The following ERBB4 variants were observed in gnomAD, a reference collection of about 807,000 sequenced individuals.
ERBB4 encodes the protein receptor tyrosine-protein kinase erbB-4.
A neutral mutation model predicts 158.0 loss-of-function variants in ERBB4; 42 were observed. The observed-to-expected ratio is 0.27, with a 90% CI of 0.21 to 0.34. ERBB4 has a LOEUF of 0.34. Among genes scored for constraint, ERBB4 ranks in the 10% least tolerant of loss-of-function variants. The probability of loss-of-function intolerance (pLI) is 1.00; values close to 1 mark genes in which losing one functional copy is unlikely to be tolerated. For missense variants in ERBB4, 1,333 were observed against 1,624.1 expected (o/e 0.82, Z 3.08); for synonymous variants, 583 against 558.7 (o/e 1.04, Z -0.61).
At chr2:212,532,376 C>G (rs1692800437) in intron 1 of ERBB4, among the ~76,000 whole-genome samples, 1 of 152,232 alleles carries the variant, frequency 6.6e-6, no homozygotes. Flanking sequence ...AACTACACAG[C>G]TCTCTTTTTA....
At chr2:211,802,825 G>C (rs1358734629) in intron 3 of ERBB4, among the ~76,000 whole-genome samples, 2 of 152,182 alleles carry the variant, frequency 1.3e-5, no homozygotes, top group Non-Finnish European at 2.9e-5. Context: ...CCCTTTTAGA[G>C]TGAATAGGAG....
chr2:212,257,373 A>C (rs1227980566), intron 1 of ERBB4, among the ~76,000 whole-genome samples: 1 of 152,134 alleles, frequency 6.6e-6, no homozygotes, highest in Non-Finnish European at 1.5e-5. Flanking sequence ...TTCCTAATCA[A>C]GGCCAAGATC....
chr2:211,861,589 T>C (rs2078057061), intron 3 of ERBB4, among the ~76,000 whole-genome samples: 1 of 152,072 alleles, frequency 6.6e-6, no homozygotes, highest in Admixed American at 6.6e-5. Context: ...GGCTAAAGAC[T>C]AACAATGAAT....
chr2:211,938,907 T>C (rs1575406740), intron 3 of ERBB4, among the ~76,000 whole-genome samples: 3 of 152,182 alleles, frequency 2.0e-5, no homozygotes, highest in Admixed American at 1.3e-4. Context: ...AGTCTATTAA[T>C]AAATGTTTGT....
At chr2:212,516,007 A>G (rs1691819190) in intron 1 of ERBB4, among the ~76,000 whole-genome samples, 1 of 152,058 alleles carries the variant, frequency 6.6e-6, no homozygotes, top group Admixed American at 6.6e-5. Flanking sequence ...TAAAAATTGT[A>G]TCACTAAATG....
At chr2:212,147,701 C>A (rs1397265185) in intron 1 of ERBB4, among the ~76,000 whole-genome samples, 1 of 152,158 alleles carries the variant, frequency 6.6e-6, no homozygotes, top group Non-Finnish European at 1.5e-5. Flanking sequence ...TATAAGACTT[C>A]TCAGAAATAA....
intron 1 of ERBB4, among the ~76,000 whole-genome samples, chr2:212,212,244 T>C (rs908018440): frequency 6.6e-6 from 1 of 152,042 alleles, no homozygotes; most frequent in African/African-American, 2.4e-5. Context: ...GACTTTTTAA[T>C]AATCATTATT....
At chr2:212,301,942 T>C (rs920720329) in intron 1 of ERBB4, among the ~76,000 whole-genome samples, 1 of 151,464 alleles carries the variant, frequency 6.6e-6, no homozygotes, top group Non-Finnish European at 1.5e-5. Context: ...TGCAACGCTA[T>C]TGAGAAGGGT....
At chr2:211,663,508 CT>C (rs1300882570) in intron 15 of ERBB4, among the ~76,000 whole-genome samples, 2 of 152,072 alleles carry the variant, frequency 1.3e-5, no homozygotes, top group Non-Finnish European at 2.9e-5. Context: ...TTCATCCTTC[CT>C]TTTGACTGAG....
chr2:211,708,080 ATCTC>A (rs1426943450), intron 9 of ERBB4, among the ~76,000 whole-genome samples: 1 of 151,954 alleles, frequency 6.6e-6, no homozygotes. Context: ...CCTTTAAAAT[ATCTC>A]TATCTTTATA....
intron 1 of ERBB4, among the ~76,000 whole-genome samples, chr2:212,488,343 C>T (rs2106190063): frequency 6.6e-6 from 1 of 151,046 alleles, no homozygotes; most frequent in African/African-American, 2.4e-5. Context: ...CTCTCTCTCT[C>T]CTCTCTCTCA....
chr2:211,721,782 C>T (rs1221473123), intron 7 of ERBB4, among the ~76,000 whole-genome samples: 1 of 151,898 alleles, frequency 6.6e-6, no homozygotes, highest in African/African-American at 2.4e-5. Context: ...CAGCTTGCTG[C>T]CACTTAACTA....
chr2:212,377,469 C>A (rs977715812), intron 1 of ERBB4, among the ~76,000 whole-genome samples: 1 of 151,792 alleles, frequency 6.6e-6, no homozygotes, highest in Non-Finnish European at 1.5e-5. Context: ...CAAACCTGCA[C>A]TGCATATTAT....
rs34448021 is a variant in ERBB4 at position 211,948,779 on chromosome 2, T to TC, written c.235-1164dup. 3.5e-4 allele frequency among the ~76,000 whole-genome samples: 54 copies of TC among 152,180 alleles called. No individual in the cohort carries two copies. In the East Asian group the frequency reaches 9.1e-3, roughly 26 times the overall value. On this transcript the variant is annotated intron_variant, in intron 2 of 27. Transcript: ENST00000342788. ...ATGCTCCAAGGCTGTTTTTGGTACTTCCCCCCACCCTGTCTATTCTCACTC... is the reference window on the plus strand; with the variant it reads ...ATGCTCCAAGGCTGTTTTTGGTACTTCCCCCCCACCCTGTCTATTCTCACTC...
chr2:211,592,433 G>C (rs1418067946), intron 19 of ERBB4, among the ~76,000 whole-genome samples: 2 of 152,248 alleles, frequency 1.3e-5, no homozygotes, highest in African/African-American at 2.4e-5. Context: ...GTCTAAAAAC[G>C]GGGTAGTAAA....
At chr2:212,510,920 T>C (rs1275783862) in intron 1 of ERBB4, among the ~76,000 whole-genome samples, 1 of 152,156 alleles carries the variant, frequency 6.6e-6, no homozygotes, top group Admixed American at 6.5e-5. Context: ...TCCAACGACA[T>C]TATTTTCATG....
chr2:211,445,224 C>A (rs1460929149), intron 20 of ERBB4, among the ~76,000 whole-genome samples: 1 of 151,976 alleles, frequency 6.6e-6, no homozygotes, highest in East Asian at 1.9e-4. Flanking sequence ...GGAGGACAAA[C>A]AAGGGTAAAG....
intron 1 of ERBB4, among the ~76,000 whole-genome samples, chr2:212,274,629 A>G (rs374251104): frequency 2.0e-5 from 3 of 151,836 alleles, no homozygotes; most frequent in Non-Finnish European, 4.4e-5. Context: ...AAATGGCACC[A>G]TGTATGGTCT....
At chr2:211,821,720 G>T (rs2076999425) in intron 3 of ERBB4, among the ~76,000 whole-genome samples, 1 of 151,936 alleles carries the variant, frequency 6.6e-6, no homozygotes, top group Non-Finnish European at 1.5e-5. Flanking sequence ...ACAGCTATCT[G>T]ACTTTTGACA....
Sources: allele counts gnomAD v4.1 joint callset (sites outside exome capture counted in the v4.1 genomes callset), GRCh38; gene constraint gnomAD v4.1.1; transcripts MANE v1.5; gene names NCBI Gene and HGNC (gene_info 2026-07-23, HGNC 2026-07-21).